The following GSTA2 variants were observed in gnomAD, a reference collection of about 807,000 sequenced individuals.
The protein encoded by GSTA2 is glutathione S-transferase A2.
Under a neutral mutation model 22.4 loss-of-function variants are expected in GSTA2, and 27 were observed. The observed-to-expected ratio is 1.21, with a 90% confidence interval of 0.89 to 1.67. GSTA2 has a LOEUF of 1.67. GSTA2 is among the 40% of genes most tolerant of loss of function. GSTA2 has a pLI of 0.00. For synonymous variants in GSTA2, 121 were observed against 86.8 expected, an observed-to-expected ratio of 1.39 and a Z score of -2.19; for missense variants, 302 against 260.2, an observed-to-expected ratio of 1.16 and a Z score of -1.11.
intron 3 of GSTA2, 115 bp from the exon 4 acceptor site, chr6:52,755,190 C>A (rs978283476): frequency 7.2e-7 from 1 of 1,393,656 alleles, no homozygotes; most frequent in African/African-American, 1.5e-5. Context: ...GAAATTACTG[C>A]CTGGTAAGAG....
In GSTA2 at chr6:52,751,497, G is replaced by A. The variant is rs549814983; in HGVS notation, c.546+80C>T. 18 of 1,605,262 alleles carry A rather than the reference G, an allele frequency of 1.1e-5. No individual in the cohort carries two copies. The South Asian group carries it at 1.5e-4, about 14-fold the overall frequency. Reference sequence around the variant, plus strand: ...CTGGAGAAGGCTGGGGTCAAAACATGCTCAGTCCCAGGGCCCAGATACAAG... The same window carrying A: ...CTGGAGAAGGCTGGGGTCAAAACATACTCAGTCCCAGGGCCCAGATACAAG... On this transcript the variant is annotated intron_variant, in intron 6 of 6. Coordinates refer to ENST00000493422, the MANE Select transcript of GSTA2 (RefSeq NM_000846.5).
At chr6:52,758,225 G>A (rs1215639488) in intron 1 of GSTA2, among the ~76,000 whole-genome samples, 4 of 152,170 alleles carry the variant, frequency 2.6e-5, no homozygotes, top group Admixed American at 6.5e-5. Context: ...CAGCCTAAGA[G>A]GTGAGAGTAT....
chr6:52,755,227 T>TTC, intron 3 of GSTA2, 152 bp from the exon 4 acceptor site: 1 of 1,061,696 alleles, frequency 9.4e-7, no homozygotes, highest in East Asian at 2.6e-5. Context: ...TTTTTTTTTT[T>TTC]TTTTTGAGGC....
At chr6:52,757,673 G>A (rs1762870441) in intron 2 of GSTA2, among the ~76,000 whole-genome samples, 188 bp downstream of exon 2, 2 of 152,166 alleles carry the variant, frequency 1.3e-5, no homozygotes, top group Admixed American at 1.3e-4. Flanking sequence ...ATTTTAATAT[G>A]TATGCTTTTA....
At position 52,751,659 on chromosome 6, in the gene GSTA2, C is replaced by A. The variant is rs139588545; in HGVS notation, c.464G>T (p.Arg155Leu). Residue 155 changes from arginine (R) to leucine (L), a missense_variant, in exon 6 of 7, where the codon CGG becomes CTG. Coordinates refer to ENST00000493422, the MANE Select transcript of GSTA2 (RefSeq NM_000846.5). ...QDYLVGNKLS[R>L]ADIHLVELLY... ...AAGTTCCACCAGGTGAATGTCAGCC[C>A]GGCTCAGCTTGTTGCCAACAAGGTA... The A allele has an allele frequency of 7.4e-6, 12 of 1,614,130 alleles. No homozygotes were observed. In the Admixed American group the frequency reaches 2.0e-4, roughly 27 times the overall value.
chr6:52,758,191 C>T (rs1170944524), intron 1 of GSTA2, among the ~76,000 whole-genome samples: 3 of 152,126 alleles, frequency 2.0e-5, no homozygotes, highest in African/African-American at 4.8e-5. Context: ...CAAGTTTTCA[C>T]TGTTTAACTC....
chr6:52,753,527 A>G (rs1468639449), intron 4 of GSTA2, among the ~76,000 whole-genome samples: 2 of 152,122 alleles, frequency 1.3e-5, no homozygotes, highest in East Asian at 1.9e-4. Context: ...AGTTCTTCCA[A>G]TTACACCCAT....
chr6:52,754,930 A>G lies in GSTA2; in HGVS notation c.272+13T>C. ...TGTTCTCTGTGGATGGAAGAACAGA[A>G]AATATACCGTACAGGGCTTTCTCCT... On this transcript the variant is annotated intron_variant, in intron 4 of 6. Transcript: ENST00000493422. 1 of 1,612,744 alleles carries G rather than the reference A, an allele frequency of 6.2e-7. No homozygotes were observed.
chr6:52,760,877 ATTAC>A (rs1009186087), intron 1 of GSTA2, among the ~76,000 whole-genome samples: 16 of 152,138 alleles, frequency 1.1e-4, no homozygotes, highest in African/African-American at 3.6e-4. Context: ...GACTAGTGTA[ATTAC>A]TTTACATCAA....
intron 6 of GSTA2, among the ~76,000 whole-genome samples, chr6:52,751,365 TTG>T (rs1762732309): frequency 6.6e-6 from 1 of 152,150 alleles, no homozygotes; most frequent in African/African-American, 2.4e-5. Flanking sequence ...AAAATACTCT[TTG>T]CGGGGTAGCA....
intron 5 of GSTA2, 135 bp from the exon 6 acceptor site, chr6:52,751,843 C>G (rs1035445538): frequency 7.9e-7 from 1 of 1,265,448 alleles, no homozygotes; most frequent in Admixed American, 1.9e-5. Context: ...CCCGAGCTTT[C>G]TCCACATTAT....
At chr6:52,757,147 G>A (rs11967827) in intron 2 of GSTA2, among the ~76,000 whole-genome samples, 1,571 of 109,108 alleles carry the variant, frequency 0.014, 47 homozygotes, top group African/African-American at 0.055. Flanking sequence ...TGCTGTGAAT[G>A]TAGTCAATCT....
At chr6:52,760,165 T>G (rs772768591) in intron 1 of GSTA2, among the ~76,000 whole-genome samples, 1 of 152,190 alleles carries the variant, frequency 6.6e-6, no homozygotes, top group Non-Finnish European at 1.5e-5. Context: ...GCGTAGGGTG[T>G]GCTTGTTTAA....
chr6:52,759,616 C>CTTTTTTTTTTTTTTTT (rs1762919477), intron 1 of GSTA2, among the ~76,000 whole-genome samples: 1 of 55,576 alleles, frequency 1.8e-5, no homozygotes, highest in African/African-American at 8.9e-5. Context: ...CAGAGTTTTG[C>CTTTTTTTTTTTTTTTT]TGTTTTTGCC....
At chr6:52,755,444 A>C (rs1762822929) in intron 3 of GSTA2, among the ~76,000 whole-genome samples, 1 of 152,062 alleles carries the variant, frequency 6.6e-6, no homozygotes, top group African/African-American at 2.4e-5. Flanking sequence ...AAATTCCTGA[A>C]CTGAAGTCAT....
intron 4 of GSTA2, among the ~76,000 whole-genome samples, chr6:52,754,552 C>T (rs1398711985): frequency 2.0e-5 from 3 of 152,152 alleles, no homozygotes; most frequent in Non-Finnish European, 4.4e-5. Flanking sequence ...TTCTTTGCAG[C>T]TTTCCCTCCC....
At position 52,750,296 on chromosome 6, in the gene GSTA2, A is replaced by C. The variant is rs562462625; in HGVS notation, c.*281T>G. The C allele has an allele frequency of 7.2e-6, 2 of 277,198 alleles. No homozygotes were observed. Among genetic ancestry groups the C allele is most frequent in the East Asian group, 8.4e-5 (1 of 11,852 alleles). 17.2% of individuals were successfully genotyped at this position (277,198 alleles called of 1,614,324 possible). Reference sequence around the variant, plus strand: ...AGGGCAATTCTTGGAAAAGTCAAACAAACCACATAATTTATAGTTTCCATT... The same window carrying C: ...AGGGCAATTCTTGGAAAAGTCAAACCAACCACATAATTTATAGTTTCCATT... On this transcript the variant is annotated 3_prime_UTR_variant, in exon 7 of 7. Transcript: ENST00000493422.
chr6:52,759,538 C>T (rs893148229), intron 1 of GSTA2, among the ~76,000 whole-genome samples: 1 of 132,562 alleles, frequency 7.5e-6, no homozygotes, highest in Non-Finnish European at 1.6e-5. Flanking sequence ...AATATACTTG[C>T]CTTTAACAAC....
chr6:52,756,233 A>C, intron 3 of GSTA2, 25 bp downstream of exon 3: 1 of 1,564,248 alleles, frequency 6.4e-7, no homozygotes, highest in Non-Finnish European at 8.8e-7. Context: ...TACCCTCATT[A>C]GAGAAACTTA....
Sources: gnomAD v4.1 joint callset for allele counts (sites outside exome capture counted in the v4.1 genomes callset) on GRCh38, gnomAD v4.1.1 for gene constraint, MANE v1.5 for transcripts, NCBI Gene and HGNC (gene_info 2026-07-23, HGNC 2026-07-21) for gene names.